Variants in NEURL1 observed in about 807,000 individuals in gnomAD.
NEURL1 encodes neuralized E3 ubiquitin protein ligase 1, also known as E3 ubiquitin-protein ligase NEURL1.
A neutral mutation model predicts 41.2 loss-of-function variants in NEURL1; 26 were observed. The observed-to-expected ratio is 0.63, with a 90% confidence interval of 0.46 to 0.87. The LOEUF (loss-of-function observed/expected upper bound fraction) is 0.87. NEURL1 is among the 40% of genes least tolerant of loss of function. The pLI is 0.00. For missense variants in NEURL1, 761 were observed against 871.1 expected (o/e 0.87, Z 1.59); for synonymous variants, 400 against 402.3 (o/e 0.99, Z 0.07).
chr10:103,589,435 CCA>C, intron 4 of NEURL1, 77 bp from the exon 5 acceptor site: 1 of 1,479,908 alleles, frequency 6.8e-7, no homozygotes, highest in East Asian at 2.4e-5. Context: ...GCCTGGGAAC[CCA>C]CTGTGAGGGA....
At position 103,494,487 on chromosome 10, in the gene NEURL1, C is replaced by CTGCTGCTCCCTTT; in HGVS notation, c.85+15_85+16insTGCTGCTCCCTTT. The CTGCTGCTCCCTTT allele has an allele frequency of 6.5e-7, 1 of 1,539,894 alleles. No homozygotes were observed. The highest frequency in any genetic ancestry group is 2.6e-5 in the East Asian group (1 of 38,986). On this transcript the variant is annotated intron_variant, in intron 1 of 5. Transcript: ENST00000369780. ...GAACCTCAAAGGTAGGCTCCCCGGC[C>CTGCTGCTCCCTTT]GAGCGCTGCTGGAGGACTGGGGCGC...
chr10:103,589,376 C>G, intron 4 of NEURL1, 138 bp from the exon 5 acceptor site: 1 of 920,748 alleles, frequency 1.1e-6, no homozygotes, highest in Non-Finnish European at 1.6e-6. Context: ...ATCCCCGCGC[C>G]AGCCTGCAAA....
chr10:103,518,976 G>A (rs2034281119), intron 1 of NEURL1, among the ~76,000 whole-genome samples: 1 of 152,194 alleles, frequency 6.6e-6, no homozygotes, highest in African/African-American at 2.4e-5. Flanking sequence ...TAGGCGCAGT[G>A]TCTCATGCCT....
chr10:103,537,598 T>C (rs1480170460), intron 1 of NEURL1, among the ~76,000 whole-genome samples: 1 of 152,142 alleles, frequency 6.6e-6, no homozygotes, highest in Non-Finnish European at 1.5e-5. Flanking sequence ...TTCACCATGT[T>C]GCCCAGAGTG....
intron 3 of NEURL1, 22 bp from the exon 4 acceptor site, chr10:103,584,514 C>T: frequency 7.5e-7 from 1 of 1,330,750 alleles, no homozygotes; most frequent in Non-Finnish European, 9.6e-7. Flanking sequence ...CTGCGTGACA[C>T]TGCCCCGTGT....
chr10:103,536,216 AACTCTGGC>A (rs2034688585), intron 1 of NEURL1, among the ~76,000 whole-genome samples: 1 of 152,084 alleles, frequency 6.6e-6, no homozygotes, highest in Non-Finnish European at 1.5e-5. Context: ...CCATCTGATG[AACTCTGGC>A]ACTCTCCCTC....
chr10:103,510,975 T>C (rs914832248), intron 1 of NEURL1, among the ~76,000 whole-genome samples: 13 of 152,064 alleles, frequency 8.5e-5, no homozygotes, highest in Non-Finnish European at 1.9e-4. Context: ...ACTGCCCAGG[T>C]CACACCATTG....
chr10:103,537,372 T>C (rs926931058), intron 1 of NEURL1, among the ~76,000 whole-genome samples: 1 of 152,176 alleles, frequency 6.6e-6, no homozygotes, highest in Non-Finnish European at 1.5e-5. Context: ...GAAGTAACAC[T>C]TTTTTCCCCC....
chr10:103,558,503 CTGTGTGTG>C lies in NEURL1; in HGVS notation c.86-12331_86-12324del, dbSNP rs3068767. 2.0e-3 allele frequency among the ~76,000 whole-genome samples: 266 copies of C among 131,974 alleles called. No homozygotes were observed. Among genetic ancestry groups the C allele is most frequent in the East Asian group, 3.6e-3 (16 of 4,392 alleles). 86.6% of individuals were successfully genotyped at this position (131,974 alleles called of 152,430 possible). ...GTGGTACTCTGTGCCTGTGCCATGC[CTGTGTGTG>C]TGTGTGTGTGTGTGTGTGTGTGTGT... On this transcript the variant is annotated intron_variant, in intron 1 of 5. Transcript: ENST00000369780. This position sits in a 1 kb window ranked among gnomAD's most constrained non-coding sequence, Gnocchi z 4.2.
At chr10:103,539,558 G>A (rs775636596) in intron 1 of NEURL1, among the ~76,000 whole-genome samples, 51 of 152,176 alleles carry the variant, frequency 3.4e-4, no homozygotes, top group Non-Finnish European at 6.2e-4. Flanking sequence ...ATTATGGGTG[G>A]CAGTTCAGCT....
At chr10:103,517,153 A>T (rs541492057) in intron 1 of NEURL1, among the ~76,000 whole-genome samples, 54 of 152,218 alleles carry the variant, frequency 3.5e-4, no homozygotes, top group Middle Eastern at 3.4e-3. Flanking sequence ...CAGCCTCCTG[A>T]GTAGCTGGGA....
intron 1 of NEURL1, among the ~76,000 whole-genome samples, chr10:103,538,146 G>A (rs537119691): frequency 6.6e-6 from 1 of 152,096 alleles, no homozygotes; most frequent in Non-Finnish European, 1.5e-5. Context: ...CTAGGCTGGA[G>A]TGCAGTGGCA....
intron 1 of NEURL1, among the ~76,000 whole-genome samples, chr10:103,529,972 T>C (rs763671020): frequency 2.5e-4 from 38 of 152,150 alleles, no homozygotes; most frequent in Non-Finnish European, 4.3e-4. Flanking sequence ...GCAAGTCTAT[T>C]AGAGAAGTAA....
In NEURL1 at chr10:103,558,838, C is replaced by T. The variant is rs1271628309; in HGVS notation, c.86-12034C>T. Among the ~76,000 whole-genome samples the T allele has an allele frequency of 6.6e-6, 1 of 152,074 alleles. No homozygotes were observed. The highest frequency in any genetic ancestry group is 1.9e-4 in the East Asian group (1 of 5,180). ...CTCCTTCACCTCCCTTCAATGCTCC[C>T]TCAGGGCAAGGAAGGGACCCCTTGC... On this transcript the variant is annotated intron_variant, in intron 1 of 5. Transcript: ENST00000369780. The surrounding 1 kb of genome is among the most constrained non-coding windows in gnomAD (Gnocchi z 4.2).
intron 1 of NEURL1, among the ~76,000 whole-genome samples, chr10:103,509,470 G>GT (rs2034022832): frequency 6.6e-6 from 1 of 152,146 alleles, no homozygotes; most frequent in Admixed American, 6.6e-5. Flanking sequence ...GCAGGCAGTG[G>GT]TAACACAAGG....
intron 4 of NEURL1, among the ~76,000 whole-genome samples, chr10:103,587,878 T>C (rs7098450): frequency 0.032 from 4,824 of 152,262 alleles, 234 homozygotes; most frequent in African/African-American, 0.11. Flanking sequence ...TGAATATTCT[T>C]AGAAATAATA....
chr10:103,589,790 T>C, intron 5 of NEURL1, 130 bp downstream of exon 5: 1 of 1,276,470 alleles, frequency 7.8e-7, no homozygotes, highest in Non-Finnish European at 1.1e-6. Context: ...GGGGGGTGAT[T>C]TCTGGGGTCA....
At chr10:103,544,864 A>G (rs1487132610) in intron 1 of NEURL1, among the ~76,000 whole-genome samples, 1 of 152,064 alleles carries the variant, frequency 6.6e-6, no homozygotes, top group African/African-American at 2.4e-5. Flanking sequence ...GACTGCCACC[A>G]CCGCCACCAG....
At chr10:103,533,771 T>G (rs536582139) in intron 1 of NEURL1, among the ~76,000 whole-genome samples, 40 of 152,108 alleles carry the variant, frequency 2.6e-4, no homozygotes, top group Non-Finnish European at 4.9e-4. Context: ...CTGCTGACCT[T>G]CTGATCCGCC....
Sources: gnomAD v4.1 joint callset for allele counts (sites outside exome capture counted in the v4.1 genomes callset) on GRCh38, gnomAD v4.1.1 for gene constraint, Gnocchi (gnomAD v3.1) non-coding constraint, MANE v1.5 for transcripts, NCBI Gene and HGNC (gene_info 2026-07-23, HGNC 2026-07-21) for gene names.